PRH1: variants seen among roughly 807,000 people sequenced by gnomAD.
The protein encoded by PRH1 is salivary acidic proline-rich phosphoprotein 1/2.
A neutral mutation model predicts 7.9 loss-of-function variants in PRH1; 7 were observed. That is an observed-to-expected ratio of 0.89 (90% confidence interval 0.50 to 1.67). The LOEUF is 1.67. PRH1 is among the 40% of genes most tolerant of loss of function. PRH1 has a pLI of 0.00. For missense variants in PRH1, 109 were observed against 223.6 expected (o/e 0.49, Z 3.27); for synonymous variants, 45 against 80.8 (o/e 0.56, Z 2.38).
At chr12:10,966,058 T>A (rs1938486220) in intron 2 of PRH1, among the ~76,000 whole-genome samples, 1 of 152,128 alleles carries the variant, frequency 6.6e-6, no homozygotes, top group African/African-American at 2.4e-5. Context: ...AAATGAACTT[T>A]TAAAATAATT....
rs759583458 is a variant in PRH1 at position 11,086,784 on chromosome 12, C to G, written n.124-39596G>C. 3.4e-4 allele frequency among the ~76,000 whole-genome samples: 39 copies of G among 113,944 alleles called. 11 individuals carry two copies. Among genetic ancestry groups the G allele is most frequent in the Admixed American group, 1.1e-3 (12 of 11,286 alleles). 74.8% of individuals were successfully genotyped at this position (113,944 alleles called of 152,430 possible). A position where few individuals can be genotyped will look rare whatever the true frequency, so the allele number is the denominator to read the frequency against. ...CAAAAAGTAGCCAGGTGTGGTGGCA[C>G]ATGCATAAAATCCCAGCTACTCAGG... is the stretch of plus-strand genomic sequence containing the variant. On this transcript the variant is annotated intron_variant and non_coding_transcript_variant, in intron 1 of 4. Coordinates refer to the PRH1 transcript ENST00000541977.
intron 1 of PRH1, among the ~76,000 whole-genome samples, chr12:11,162,225 C>G (rs1738832727): frequency 6.6e-6 from 1 of 152,112 alleles, no homozygotes; most frequent in South Asian, 2.1e-4. Flanking sequence ...AGGGACTAAT[C>G]AGGAACTTCC....
At chr12:11,002,317 G>C (rs1940630819) in intron 1 of PRH1, among the ~76,000 whole-genome samples, 1 of 152,028 alleles carries the variant, frequency 6.6e-6, no homozygotes, top group Non-Finnish European at 1.5e-5. Context: ...GCGTTTCAGG[G>C]TGATGGGCTC....
At chr12:10,897,657 G>T (rs575328688) in intron 2 of PRH1, among the ~76,000 whole-genome samples, 1 of 152,182 alleles carries the variant, frequency 6.6e-6, no homozygotes, top group Non-Finnish European at 1.5e-5. Context: ...ATGGCGGAAG[G>T]CAATGGGGAA....
At chr12:10,947,266 T>C (rs952402585) in intron 2 of PRH1, among the ~76,000 whole-genome samples, 2 of 152,202 alleles carry the variant, frequency 1.3e-5, no homozygotes, top group African/African-American at 4.8e-5. Flanking sequence ...TGTATGTCTA[T>C]TTGTAGGTCT....
At chr12:11,101,200 TG>T (rs1945235810) in intron 1 of PRH1, among the ~76,000 whole-genome samples, 1 of 152,136 alleles carries the variant, frequency 6.6e-6, no homozygotes, top group African/African-American at 2.4e-5. Flanking sequence ...ATTTAAGTAA[TG>T]TTTTGGGCCA....
chr12:10,886,154 A>G (rs1278444471), upstream of PRH1, among the ~76,000 whole-genome samples: 3 of 152,204 alleles, frequency 2.0e-5, no homozygotes, highest in Admixed American at 2.0e-4. Flanking sequence ...GCAGCTCCCA[A>G]TGCGTTATGG....
At chr12:10,951,878 G>T (rs1286127743) in intron 2 of PRH1, among the ~76,000 whole-genome samples, 1 of 152,078 alleles carries the variant, frequency 6.6e-6, no homozygotes, top group Non-Finnish European at 1.5e-5. Context: ...CCAATGTTGG[G>T]TTTTATTCAT....
chr12:11,059,463 A>C (rs1396552337), intron 1 of PRH1, among the ~76,000 whole-genome samples: 1 of 152,186 alleles, frequency 6.6e-6, no homozygotes, highest in African/African-American at 2.4e-5. Flanking sequence ...CTGGTTACTA[A>C]CTCAATTTTT....
At chr12:11,155,093 C>T (rs1947212971) in intron 1 of PRH1, among the ~76,000 whole-genome samples, 1 of 152,148 alleles carries the variant, frequency 6.6e-6, no homozygotes, top group Non-Finnish European at 1.5e-5. Context: ...AAAACATTTT[C>T]ATTCCTATCA....
chr12:10,904,857 G>A (rs1252825921), intron 2 of PRH1, among the ~76,000 whole-genome samples: 1 of 151,932 alleles, frequency 6.6e-6, no homozygotes, highest in Admixed American at 6.6e-5. Flanking sequence ...CTTTAAAAAC[G>A]AGCAAAAGAC....
intron 1 of PRH1, among the ~76,000 whole-genome samples, chr12:11,041,634 T>C (rs1189567020): frequency 6.6e-6 from 1 of 152,216 alleles, no homozygotes; most frequent in Non-Finnish European, 1.5e-5. Flanking sequence ...AACTGATTAT[T>C]AGATACTTAC....
chr12:11,030,369 T>C (rs1188105205), intron 1 of PRH1: 13 of 1,586,736 alleles, frequency 8.2e-6, no homozygotes, highest in African/African-American at 1.4e-5. Context: ...ACCAGTTTGT[T>C]TTCTGCTAGA....
chr12:10,953,809 C>A (rs1357956408), intron 2 of PRH1, among the ~76,000 whole-genome samples: 1 of 152,100 alleles, frequency 6.6e-6, no homozygotes, highest in Non-Finnish European at 1.5e-5. Context: ...GACACATAGT[C>A]ATCAGATTCT....
chr12:10,943,025 T>C (rs1413168176), intron 2 of PRH1, among the ~76,000 whole-genome samples: 1 of 152,218 alleles, frequency 6.6e-6, no homozygotes, highest in Non-Finnish European at 1.5e-5. Context: ...TTCCCACTTC[T>C]GCAATTTGGG....
At chr12:11,141,268 A>T (rs966322146) in intron 1 of PRH1, among the ~76,000 whole-genome samples, 1 of 152,172 alleles carries the variant, frequency 6.6e-6, no homozygotes, top group East Asian at 1.9e-4. Flanking sequence ...ATACTTAAAT[A>T]TTTATTGTTT....
intron 1 of PRH1, among the ~76,000 whole-genome samples, chr12:11,128,376 T>A (rs2597931): frequency 0.45 from 68,681 of 151,492 alleles, 16,310 homozygotes; most frequent in Non-Finnish European, 0.52. Context: ...AGACGCCAGG[T>A]CAGGAAATCA....
chr12:11,126,936 A>G (rs1281432101), intron 1 of PRH1, among the ~76,000 whole-genome samples: 6 of 151,940 alleles, frequency 3.9e-5, no homozygotes, highest in Admixed American at 3.9e-4. Flanking sequence ...GAAAATAATG[A>G]TGAGTAGTAA....
intron 1 of PRH1, among the ~76,000 whole-genome samples, chr12:10,979,741 G>A (rs1354009425): frequency 6.6e-6 from 1 of 152,224 alleles, no homozygotes; most frequent in East Asian, 1.9e-4. Flanking sequence ...AAATTTAGAT[G>A]AGTATGGCAG....
Sources: allele counts gnomAD v4.1 joint callset (sites outside exome capture counted in the v4.1 genomes callset), GRCh38; gene constraint gnomAD v4.1.1; transcripts MANE v1.5; gene names NCBI Gene and HGNC (gene_info 2026-07-23, HGNC 2026-07-21).